The following BCL11A variants were observed in gnomAD, a reference collection of about 807,000 sequenced individuals.
BCL11A encodes the protein B cell CLL/lymphoma 11A.
Under a neutral mutation model 55.9 loss-of-function variants are expected in BCL11A, and 2 were observed. The observed-to-expected ratio is 0.04, with a 90% CI of 0.01 to 0.11. The LOEUF (loss-of-function observed/expected upper bound fraction) is 0.11. Among genes scored for constraint, BCL11A ranks in the 10% least tolerant of loss-of-function variants. BCL11A has a pLI of 1.00. For synonymous variants in BCL11A, 465 were observed against 473.4 expected (o/e 0.98, Z 0.23); for missense variants, 817 against 1,137.1 (o/e 0.72, Z 4.05).
At chr2:60,547,583 T>C (rs901172190) in intron 1 of BCL11A, among the ~76,000 whole-genome samples, 1 of 150,080 alleles carries the variant, frequency 6.7e-6, no homozygotes. Context: ...AAGCAGAAAA[T>C]GTACAAGTCT....
intron 2 of BCL11A, among the ~76,000 whole-genome samples, chr2:60,518,694 A>G (rs1668843092): frequency 1.3e-5 from 2 of 152,224 alleles, no homozygotes; most frequent in African/African-American, 2.4e-5. Flanking sequence ...GAGCCTACTC[A>G]TCATCAGAGT....
chr2:60,509,773 CG>C (rs1281957537), intron 2 of BCL11A, among the ~76,000 whole-genome samples: 7 of 152,106 alleles, frequency 4.6e-5, no homozygotes, highest in African/African-American at 1.4e-4. Flanking sequence ...CAGCCACAAT[CG>C]GGGGGCTACT....
At chr2:60,521,101 TCACACA>T (rs10607148) in intron 2 of BCL11A, among the ~76,000 whole-genome samples, 32 of 26,674 alleles carry the variant, frequency 1.2e-3, no homozygotes, top group African/African-American at 1.5e-3. Context: ...ACACACACAC[TCACACA>T]CACACACACA....
chr2:60,483,607 T>C (rs1678087133), intron 2 of BCL11A, among the ~76,000 whole-genome samples: 1 of 152,188 alleles, frequency 6.6e-6, no homozygotes, highest in Admixed American at 6.5e-5. Flanking sequence ...GCTGCAGTTG[T>C]CAGAAATAAC....
At chr2:60,505,933 G>C (rs1047801826) in intron 2 of BCL11A, among the ~76,000 whole-genome samples, 1 of 152,212 alleles carries the variant, frequency 6.6e-6, no homozygotes, top group Non-Finnish European at 1.5e-5. Context: ...AGCCCCACCT[G>C]GTTCGTCTGC....
intron 2 of BCL11A, chr2:60,541,817 A>G: frequency 1.6e-6 from 1 of 624,420 alleles, no homozygotes; most frequent in Non-Finnish European, 2.9e-6. Context: ...AGAATCACAT[A>G]AATAAAGAGA....
At chr2:60,477,957 G>GC (rs1405530467) in intron 2 of BCL11A, among the ~76,000 whole-genome samples, 1 of 149,064 alleles carries the variant, frequency 6.7e-6, no homozygotes, top group Non-Finnish European at 1.5e-5. Context: ...TTTATGGAAA[G>GC]CTTTTTTTTT....
intron 2 of BCL11A, among the ~76,000 whole-genome samples, chr2:60,480,946 T>C (rs1304301759): frequency 1.3e-5 from 2 of 152,090 alleles, no homozygotes; most frequent in African/African-American, 4.8e-5. Flanking sequence ...TTCTAAATAG[T>C]TTTTGCTCCA....
At chr2:60,454,441 A>AT (rs200179157), downstream of BCL11A, among the ~76,000 whole-genome samples, 448 of 150,094 alleles carry the variant, frequency 3.0e-3, 5 homozygotes, top group African/African-American at 0.01. Flanking sequence ...AGTTCCCACA[A>AT]TTTTTTTTTT....
At chr2:60,492,859 ATTTTAAG>A (rs998579586) in intron 2 of BCL11A, among the ~76,000 whole-genome samples, 4 of 152,162 alleles carry the variant, frequency 2.6e-5, no homozygotes, top group Non-Finnish European at 5.9e-5. Context: ...AAAGTCATTC[ATTTTAAG>A]TGTACAGTTG....
downstream of BCL11A, among the ~76,000 whole-genome samples, chr2:60,453,728 G>C (rs1675820118): frequency 6.6e-6 from 1 of 152,172 alleles, no homozygotes; most frequent in Non-Finnish European, 1.5e-5. Context: ...CATGTACCAC[G>C]TTCACAGCTA....
chr2:60,467,360 G>A (rs1453148126), intron 3 of BCL11A, among the ~76,000 whole-genome samples: 1 of 55,726 alleles, frequency 1.8e-5, no homozygotes, highest in African/African-American at 6.7e-5. Context: ...GGTGGTGGTG[G>A]TGATGGTGGT....
chr2:60,452,355 C>A, downstream of BCL11A: 2 of 491,056 alleles, frequency 4.1e-6, no homozygotes, highest in Non-Finnish European at 7.3e-6. Flanking sequence ...ATTCACTGTT[C>A]CAATGTGGGT....
At chr2:60,476,124 G>A (rs1260259251) in intron 2 of BCL11A, among the ~76,000 whole-genome samples, 1 of 152,186 alleles carries the variant, frequency 6.6e-6, no homozygotes, top group African/African-American at 2.4e-5. Flanking sequence ...GGATACACCT[G>A]TTCCCCTCAT....
At chr2:60,541,865 T>A in intron 2 of BCL11A, 1 of 694,096 alleles carries the variant, frequency 1.4e-6, no homozygotes, top group Non-Finnish European at 2.7e-6. Flanking sequence ...TACTATAATT[T>A]ATAGTCTCAT....
At chr2:60,499,753 A>T (rs1344098718) in intron 2 of BCL11A, 1 of 152,290 alleles carries the variant, frequency 6.6e-6, no homozygotes, top group Non-Finnish European at 1.5e-5. Context: ...CTGCTGTGAA[A>T]CAGCTCTGGG....
rs1303349759 is a variant in BCL11A at position 60,462,117 on chromosome 2, C to T, written c.795G>A (p.Leu265=). 2 of 1,558,004 alleles carry T rather than the reference C, an allele frequency of 1.3e-6. No individual in the cohort carries two copies. The highest frequency in any genetic ancestry group is 1.7e-6 in the Non-Finnish European group (2 of 1,153,880). The change falls in exon 4 of 4, where the codon CTG becomes CTA. Residue 265 remains leucine, a synonymous_variant. Transcript: ENST00000642384. ...AGTGATGTCTCGGTGGTGGACTAAA[C>T]AGGGGGGGAGTGGGTGGAAAGCGCC... ...AEGRFPPTPP[L]FSPPPRHHLD... is the part of the protein sequence containing the mutation.
At chr2:60,497,833 G>A (rs1237037604) in intron 2 of BCL11A, among the ~76,000 whole-genome samples, 1 of 152,116 alleles carries the variant, frequency 6.6e-6, no homozygotes, top group Non-Finnish European at 1.5e-5. Context: ...TGATCCAGTA[G>A]AGAAATGATC....
At chr2:60,528,152 G>T (rs977448458) in intron 2 of BCL11A, 1 of 152,508 alleles carries the variant, frequency 6.6e-6, no homozygotes, top group Non-Finnish European at 1.5e-5. Context: ...CCACTGCCAC[G>T]CACACTCACT....
Sources: allele counts gnomAD v4.1 joint callset (sites outside exome capture counted in the v4.1 genomes callset), GRCh38; gene constraint gnomAD v4.1.1; transcripts MANE v1.5; gene names NCBI Gene and HGNC (gene_info 2026-07-23, HGNC 2026-07-21).